The following SRGAP2 variants were observed in gnomAD, a reference collection of about 807,000 sequenced individuals.
The protein encoded by SRGAP2 is SLIT-ROBO Rho GTPase-activating protein 2.
SRGAP2 carries 15 observed loss-of-function variants against 57.2 expected under a neutral mutation model. The observed-to-expected ratio is 0.26, with a 90% CI of 0.18 to 0.40. The LOEUF (loss-of-function observed/expected upper bound fraction) is 0.40, where lower values mean the gene tolerates loss of function less well. SRGAP2 is among the 10% of genes least tolerant of loss of function. The pLI, the probability that SRGAP2 is intolerant of heterozygous loss-of-function variation, is 1.00. For synonymous variants in SRGAP2, 249 were observed against 248.0 expected (o/e 1.00, Z -0.04); for missense variants, 520 against 669.6 (o/e 0.78, Z 2.47).
In SRGAP2 at chr1:206,321,907, C is replaced by T. The variant is rs555710157; in HGVS notation, c.260+18434C>T. Among the ~76,000 whole-genome samples the T allele has an allele frequency of 3.7e-3, 558 of 152,164 alleles. 5 individuals carry two copies. The highest frequency in any genetic ancestry group is 0.013 in the African/African-American group (531 of 41,504). On this transcript the variant is annotated intron_variant, in intron 3 of 22. Transcript: ENST00000573034. ...AGTTGACCATTTTTTCAGAGAGCCT[C>T]GGTTGCTTTTAGTGGGAAATGGTAT...
intron 2 of SRGAP2, among the ~76,000 whole-genome samples, chr1:206,228,353 C>T (rs1383102234): frequency 3.4e-5 from 5 of 145,948 alleles, no homozygotes; most frequent in African/African-American, 7.5e-5. Flanking sequence ...AACTGAAACA[C>T]GATAGCATGC....
At chr1:206,246,978 C>T (rs1321992081) in intron 2 of SRGAP2, among the ~76,000 whole-genome samples, 17 of 138,296 alleles carry the variant, frequency 1.2e-4, no homozygotes, top group Non-Finnish European at 2.2e-4. Flanking sequence ...TCATTTTCCT[C>T]GGATCCACAA....
At chr1:206,278,167 C>T (rs1258405482) in intron 2 of SRGAP2, among the ~76,000 whole-genome samples, 1 of 151,390 alleles carries the variant, frequency 6.6e-6, no homozygotes, top group Non-Finnish European at 1.5e-5. Context: ...TCAGTCAATA[C>T]AATAAAGATC....
At chr1:206,229,960 A>ACACT (rs1397471790) in intron 2 of SRGAP2, among the ~76,000 whole-genome samples, 1 of 151,672 alleles carries the variant, frequency 6.6e-6, no homozygotes, top group Non-Finnish European at 1.5e-5. Flanking sequence ...ACACACACAC[A>ACACT]CACACACCTT....
At chr1:206,387,125 CAAAAAAAAA>C (rs782327960) in intron 5 of SRGAP2, among the ~76,000 whole-genome samples, 3 of 83,544 alleles carry the variant, frequency 3.6e-5, no homozygotes, top group Non-Finnish European at 4.8e-5. Flanking sequence ...GACTCTGTCT[CAAAAAAAAA>C]AAAAAAAAAA....
At chr1:206,395,775 C>T (rs1227729952) in intron 7 of SRGAP2, among the ~76,000 whole-genome samples, 5 of 150,374 alleles carry the variant, frequency 3.3e-5, no homozygotes, top group Admixed American at 6.6e-5. Context: ...CAGGTATAAC[C>T]AAGTGTTTTA....
At chr1:206,333,419 G>T in intron 3 of SRGAP2, 2 of 1,318,716 alleles carry the variant, frequency 1.5e-6, no homozygotes, top group Non-Finnish European at 2.2e-6. Flanking sequence ...CTTCTTCAAG[G>T]TATCACTGAG....
intron 11 of SRGAP2, among the ~76,000 whole-genome samples, chr1:206,417,632 C>G (rs557679366): frequency 6.6e-6 from 1 of 151,938 alleles, no homozygotes; most frequent in South Asian, 2.1e-4. Flanking sequence ...CTGGGCCAGG[C>G]TGGTCTCAAA....
At chr1:206,320,879 A>G (rs1173454773) in intron 3 of SRGAP2, among the ~76,000 whole-genome samples, 1 of 151,840 alleles carries the variant, frequency 6.6e-6, no homozygotes, top group Non-Finnish European at 1.5e-5. Context: ...AGTAAATTGC[A>G]GACATGATGA....
Position 206,454,745 on chromosome 1 carries a change from G to A in SRGAP2, c.2361-133G>A. The A allele has an allele frequency of 1.6e-6, 1 of 607,220 alleles. No homozygotes were observed. The allele number at this position is 607,220 out of a possible 1,614,324, so 37.6% of individuals were successfully genotyped here. On this transcript the variant is annotated intron_variant, in intron 20 of 22. Coordinates refer to ENST00000573034, the MANE Select transcript of SRGAP2 (RefSeq NM_015326.5). The surrounding 1 kb of genome is among the most constrained non-coding windows in gnomAD (Gnocchi z 4.3). ...TGCCTCTGCTCACAGAACTAGTCCAGCCAGGTGTCGCTGCTGCCTCAGAGC... is the reference window on the plus strand; with the variant it reads ...TGCCTCTGCTCACAGAACTAGTCCAACCAGGTGTCGCTGCTGCCTCAGAGC...
At chr1:206,448,392 AT>A (rs1236971305) in intron 18 of SRGAP2, among the ~76,000 whole-genome samples, 1 of 152,108 alleles carries the variant, frequency 6.6e-6, no homozygotes, top group African/African-American at 2.4e-5. Context: ...GACCTCAGGT[AT>A]TTTTGGGTCT....
At chr1:206,428,353 C>T (rs1553367076) in intron 13 of SRGAP2, among the ~76,000 whole-genome samples, 1 of 145,536 alleles carries the variant, frequency 6.9e-6, no homozygotes, top group Non-Finnish European at 1.5e-5. Flanking sequence ...GGAGGCAGAG[C>T]TTGCAGTGAC....
chr1:206,432,546 G>A (rs911174586), intron 14 of SRGAP2, among the ~76,000 whole-genome samples: 1 of 152,110 alleles, frequency 6.6e-6, no homozygotes, highest in Non-Finnish European at 1.5e-5. Context: ...ATAGAGGAGT[G>A]GTTGAAGAAA....
At chr1:206,393,790 G>T (rs1553352351) in intron 7 of SRGAP2, 117 bp downstream of exon 7, 4 of 509,414 alleles carry the variant, frequency 7.9e-6, no homozygotes, top group Non-Finnish European at 1.4e-5. Flanking sequence ...CAATTAGGAA[G>T]ATAGCAGCCA....
At chr1:206,221,946 CTTTT>C (rs782815485) in intron 2 of SRGAP2, among the ~76,000 whole-genome samples, 1 of 35,270 alleles carries the variant, frequency 2.8e-5, no homozygotes, top group African/African-American at 1.9e-4. Context: ...GATATCCGGC[CTTTT>C]TTTTTTTTTT....
At chr1:206,424,586 C>T (rs568646605) in intron 13 of SRGAP2, among the ~76,000 whole-genome samples, 2 of 152,244 alleles carry the variant, frequency 1.3e-5, no homozygotes, top group South Asian at 2.1e-4. Context: ...ACCTGGGAAG[C>T]GGAGGTTCCA....
chr1:206,298,462 C>G (rs1364483294), intron 2 of SRGAP2, among the ~76,000 whole-genome samples: 7 of 152,194 alleles, frequency 4.6e-5, no homozygotes, highest in African/African-American at 1.7e-4. Flanking sequence ...ACAGAATATG[C>G]TATGTGGTGG....
chr1:206,303,869 GTCTCTCTC>G (rs1280432631), intron 3 of SRGAP2, among the ~76,000 whole-genome samples: 3,241 of 130,920 alleles, frequency 0.025, 54 homozygotes, highest in African/African-American at 0.077. Context: ...CTTAATCTCT[GTCTCTCTC>G]TCTCTCTCTC....
chr1:206,319,353 G>T (rs1445707782), intron 3 of SRGAP2, among the ~76,000 whole-genome samples: 2 of 151,552 alleles, frequency 1.3e-5, no homozygotes, highest in African/African-American at 4.9e-5. Context: ...GGAGCTTTCA[G>T]TGAGCCGAGA....
Sources: allele counts gnomAD v4.1 joint callset (sites outside exome capture counted in the v4.1 genomes callset), GRCh38; gene constraint gnomAD v4.1.1; non-coding constraint Gnocchi (gnomAD v3.1); transcripts MANE v1.5; gene names NCBI Gene and HGNC (gene_info 2026-07-23, HGNC 2026-07-21).